Variants in ZNF277 observed in about 807,000 individuals in gnomAD.
The protein encoded by ZNF277 is zinc finger protein 277, also known as nuclear receptor-interacting factor 4.
A neutral mutation model predicts 60.7 loss-of-function variants in ZNF277; 55 were observed. The ratio of observed to expected loss-of-function variants is 0.91; its 90% CI spans 0.73 to 1.13. The LOEUF is 1.13. ZNF277 is among the 50% of genes most tolerant of loss of function. The pLI is 0.00. For synonymous variants in ZNF277, 178 were observed against 179.3 expected (o/e 0.99, Z 0.06); for missense variants, 510 against 523.0 (o/e 0.98, Z 0.24).
chr7:112,245,914 A>C (rs1215442619), intron 1 of ZNF277, among the ~76,000 whole-genome samples: 2 of 152,198 alleles, frequency 1.3e-5, no homozygotes, highest in African/African-American at 4.8e-5. Context: ...TGGATATCTT[A>C]TAATAGCCAA....
chr7:112,336,062 C>T (rs369996286), intron 7 of ZNF277, 42 bp from the exon 8 acceptor site: 1 of 1,544,162 alleles, frequency 6.5e-7, no homozygotes, highest in East Asian at 2.3e-5. Flanking sequence ...TCTCCCTTCT[C>T]TTTCCCCCAA....
At chr7:112,242,576 A>T (rs969275581) in intron 1 of ZNF277, among the ~76,000 whole-genome samples, 6 of 147,330 alleles carry the variant, frequency 4.1e-5, no homozygotes, top group Admixed American at 1.3e-4. Flanking sequence ...AAAAAAAACA[A>T]AATAAAATAA....
chr7:112,243,458 A>C (rs1269294213), intron 1 of ZNF277, among the ~76,000 whole-genome samples: 6 of 151,546 alleles, frequency 4.0e-5, no homozygotes, highest in African/African-American at 9.7e-5. Flanking sequence ...ACCAGAATCC[A>C]CAAGGAACTC....
intron 1 of ZNF277, among the ~76,000 whole-genome samples, chr7:112,233,709 G>A (rs1247478174): frequency 7.2e-5 from 11 of 152,094 alleles, no homozygotes; most frequent in Admixed American, 7.2e-4. Context: ...TTGTTGAACA[G>A]TTTTCTGCAC....
At chr7:112,221,853 A>C (rs1822039955) in intron 1 of ZNF277, among the ~76,000 whole-genome samples, 1 of 152,186 alleles carries the variant, frequency 6.6e-6, no homozygotes, top group Non-Finnish European at 1.5e-5. Flanking sequence ...GGGACTCCTG[A>C]TAAATGGCCT....
At chr7:112,278,942 C>T (rs1791880722) in intron 1 of ZNF277, among the ~76,000 whole-genome samples, 1 of 152,188 alleles carries the variant, frequency 6.6e-6, no homozygotes, top group Non-Finnish European at 1.5e-5. Flanking sequence ...ATTCTACTTT[C>T]TGCTTCAGTA....
chr7:112,262,247 CAA>C (rs376386868), intron 1 of ZNF277, among the ~76,000 whole-genome samples: 34 of 77,642 alleles, frequency 4.4e-4, no homozygotes, highest in Admixed American at 9.6e-4. Flanking sequence ...AAAAGCAATA[CAA>C]AAAAAAAAAA....
chr7:112,335,275 T>C (rs1329376347), intron 7 of ZNF277, among the ~76,000 whole-genome samples: 1 of 152,126 alleles, frequency 6.6e-6, no homozygotes, highest in Non-Finnish European at 1.5e-5. Flanking sequence ...ACATATCCAT[T>C]AATGTTCCTA....
chr7:112,280,385 A>G (rs1269413219), intron 1 of ZNF277, among the ~76,000 whole-genome samples: 1 of 152,214 alleles, frequency 6.6e-6, no homozygotes, highest in Non-Finnish European at 1.5e-5. Flanking sequence ...AAAAAATTCA[A>G]CTTCCTTGGA....
At chr7:112,317,671 A>G (rs571167723) in intron 4 of ZNF277, among the ~76,000 whole-genome samples, 1 of 152,238 alleles carries the variant, frequency 6.6e-6, no homozygotes, top group South Asian at 2.1e-4. Context: ...GAGGATGAAT[A>G]TGTTAGAAAA....
chr7:112,302,734 G>A (rs959855137), intron 4 of ZNF277, among the ~76,000 whole-genome samples: 3 of 152,004 alleles, frequency 2.0e-5, no homozygotes, highest in Admixed American at 6.6e-5. Context: ...ATATATACTG[G>A]TTGAGTGAGA....
intron 1 of ZNF277, among the ~76,000 whole-genome samples, chr7:112,250,436 TG>T (rs1270038528): frequency 6.6e-6 from 1 of 152,176 alleles, no homozygotes; most frequent in African/African-American, 2.4e-5. Context: ...GTAAAGTACT[TG>T]ATGTCTGTGA....
intron 1 of ZNF277, among the ~76,000 whole-genome samples, chr7:112,220,038 G>A (rs1321557950): frequency 6.6e-6 from 1 of 152,096 alleles, no homozygotes; most frequent in Non-Finnish European, 1.5e-5. Context: ...GGCTATTCCT[G>A]GTATTCTGTG....
intron 4 of ZNF277, among the ~76,000 whole-genome samples, chr7:112,306,951 G>A (rs1225297227): frequency 6.6e-6 from 1 of 151,808 alleles, no homozygotes; most frequent in Non-Finnish European, 1.5e-5. Flanking sequence ...AGATACCGTT[G>A]AGAAGAAAAA....
chr7:112,238,942 T>C (rs1478843279), intron 1 of ZNF277, among the ~76,000 whole-genome samples: 4 of 152,056 alleles, frequency 2.6e-5, no homozygotes, highest in Admixed American at 6.6e-5. Flanking sequence ...AGACACATCC[T>C]GGACCAGAAG....
chr7:112,297,828 T>C (rs962577004), intron 4 of ZNF277, among the ~76,000 whole-genome samples: 3 of 152,224 alleles, frequency 2.0e-5, no homozygotes, highest in African/African-American at 7.2e-5. Context: ...ATCCTAGTAG[T>C]CCTAAGGATT....
chr7:112,229,978 G>A (rs146284903), intron 1 of ZNF277, among the ~76,000 whole-genome samples: 4 of 152,200 alleles, frequency 2.6e-5, no homozygotes, highest in South Asian at 2.1e-4. Flanking sequence ...ACCTAAAATA[G>A]AGCAATGGAG....
intron 1 of ZNF277, among the ~76,000 whole-genome samples, chr7:112,230,212 A>C (rs371176377): frequency 1.3e-5 from 2 of 152,088 alleles, no homozygotes; most frequent in Non-Finnish European, 2.9e-5. Context: ...GTATCACCTG[A>C]AGTCAGGAAT....
chr7:112,235,614 T>C (rs1426764557), intron 1 of ZNF277, among the ~76,000 whole-genome samples: 1 of 152,030 alleles, frequency 6.6e-6, no homozygotes, highest in Non-Finnish European at 1.5e-5. Flanking sequence ...TTATTTATCT[T>C]TTTTATTATT....
Sources: gnomAD v4.1 joint callset for allele counts (sites outside exome capture counted in the v4.1 genomes callset) on GRCh38, gnomAD v4.1.1 for gene constraint, MANE v1.5 for transcripts, NCBI Gene and HGNC (gene_info 2026-07-23, HGNC 2026-07-21) for gene names.